PDE1C: variants seen among roughly 807,000 people sequenced by gnomAD.
The protein encoded by PDE1C is phosphodiesterase 1C.
PDE1C carries 62 observed loss-of-function variants against 93.1 expected under a neutral mutation model. That is an observed-to-expected ratio of 0.67 (90% CI 0.54 to 0.82). The LOEUF is 0.82. PDE1C is among the 40% of genes least tolerant of loss of function. The pLI is 0.00. For missense variants in PDE1C, 742 were observed against 884.6 expected (o/e 0.84, Z 2.04); for synonymous variants, 325 against 310.1 (o/e 1.05, Z -0.50).
intron 3 of PDE1C, among the ~76,000 whole-genome samples, chr7:32,131,240 A>T (rs975670095): frequency 3.9e-5 from 6 of 152,160 alleles, no homozygotes; most frequent in Non-Finnish European, 8.8e-5. Context: ...CCATTAGAGC[A>T]TTTATCATGC....
intron 2 of PDE1C, among the ~76,000 whole-genome samples, chr7:32,196,932 A>G (rs537733999): frequency 6.6e-6 from 1 of 152,326 alleles, no homozygotes; most frequent in Non-Finnish European, 1.5e-5. Flanking sequence ...ATAGGATGGC[A>G]CCAATTCAGT....
chr7:32,024,362 A>C (rs1462366419), intron 2 of PDE1C, among the ~76,000 whole-genome samples: 1 of 151,664 alleles, frequency 6.6e-6, no homozygotes, highest in East Asian at 2.0e-4. Context: ...GTGAAAATTA[A>C]AGGTATATAC....
intron 1 of PDE1C, among the ~76,000 whole-genome samples, chr7:32,284,936 G>T (rs2128894217): frequency 6.6e-6 from 1 of 151,944 alleles, no homozygotes; most frequent in East Asian, 1.9e-4. Flanking sequence ...AGGCTGAGGT[G>T]GGAGAATCAC....
chr7:32,297,194 C>T (rs1342693336), intron 1 of PDE1C, among the ~76,000 whole-genome samples: 1 of 152,104 alleles, frequency 6.6e-6, no homozygotes, highest in East Asian at 1.9e-4. Flanking sequence ...TCAGTCCATG[C>T]CCCAGAAACC....
chr7:32,318,388 T>C (rs1332721030), intron 1 of PDE1C, among the ~76,000 whole-genome samples: 4 of 152,080 alleles, frequency 2.6e-5, no homozygotes, highest in African/African-American at 4.8e-5. Flanking sequence ...ACCAGGAACC[T>C]CATTTTGGGA....
At chr7:31,705,959 C>CAGACTTCTGAA in the PDE1C span, among the ~76,000 whole-genome samples, 3 of 137,808 alleles carry the variant, frequency 2.2e-5, no homozygotes, top group East Asian at 6.5e-4. Flanking sequence ...AAATTGTGCT[C>CAGACTTCTGAA]AGACTTCTGA....
At chr7:32,051,932 T>A (rs532549251) in intron 1 of PDE1C, among the ~76,000 whole-genome samples, 2 of 152,186 alleles carry the variant, frequency 1.3e-5, no homozygotes, top group Non-Finnish European at 2.9e-5. Context: ...ACCAGGTTCA[T>A]GAGGTTCTTA....
At chr7:32,364,624 C>T (rs1217662092) in intron 1 of PDE1C, among the ~76,000 whole-genome samples, 1 of 152,194 alleles carries the variant, frequency 6.6e-6, no homozygotes, top group African/African-American at 2.4e-5. Context: ...TGGGAATTCA[C>T]GCAGCTGCAT....
chr7:32,250,241 A>G (rs1341750186), intron 1 of PDE1C, among the ~76,000 whole-genome samples: 1 of 152,136 alleles, frequency 6.6e-6, no homozygotes, highest in Non-Finnish European at 1.5e-5. Flanking sequence ...CAGTGCTACT[A>G]TCCCCATTTT....
At chr7:31,839,206 GTA>G (rs1328981854) in intron 9 of PDE1C, among the ~76,000 whole-genome samples, 5 of 140,574 alleles carry the variant, frequency 3.6e-5, no homozygotes, top group Admixed American at 2.9e-4. Context: ...ACATACATAC[GTA>G]TATGTGTGTA....
At chr7:31,961,244 G>GTATATA (rs749011944) in intron 2 of PDE1C, among the ~76,000 whole-genome samples, 6 of 130,332 alleles carry the variant, frequency 4.6e-5, no homozygotes, top group South Asian at 4.9e-4. Context: ...ATATGTATAT[G>GTATATA]TATATATATA....
chr7:32,245,560 A>C (rs1222296798), intron 1 of PDE1C, among the ~76,000 whole-genome samples: 1 of 152,108 alleles, frequency 6.6e-6, no homozygotes, highest in Non-Finnish European at 1.5e-5. Context: ...AAGACCTAAG[A>C]CAAGCCAATC....
the PDE1C span, among the ~76,000 whole-genome samples, chr7:31,680,898 A>G: frequency 2.6e-5 from 4 of 152,206 alleles, no homozygotes; most frequent in Non-Finnish European, 5.9e-5. Flanking sequence ...CATATTGCAG[A>G]TCAGATGCCC....
intron 2 of PDE1C, among the ~76,000 whole-genome samples, chr7:31,901,685 A>T (rs1563001483): frequency 6.6e-6 from 1 of 151,414 alleles, no homozygotes; most frequent in Non-Finnish European, 1.5e-5. Flanking sequence ...TCAAAAGAGA[A>T]GTAATTTTAT....
At chr7:31,692,710 A>G in the PDE1C span, among the ~76,000 whole-genome samples, 1 of 152,228 alleles carries the variant, frequency 6.6e-6, no homozygotes, top group African/African-American at 2.4e-5. Flanking sequence ...CCATGTAAAT[A>G]TTAGCTGAAG....
chr7:32,259,941 C>A lies in PDE1C; in HGVS notation c.85+38710G>T, dbSNP rs74427911. On this transcript the variant is annotated intron_variant, in intron 1 of 18. Coordinates refer to the PDE1C transcript ENST00000396193. ...CACCCGGCACAAACCTGCAGCAGGT[C>A]CTTTCTCTCACCCAGCCATGGCTTG... 5.7e-3 allele frequency among the ~76,000 whole-genome samples: 874 copies of A among 152,270 alleles called. 4 individuals carry two copies. Among genetic ancestry groups the A allele is most frequent in the African/African-American group, 0.02 (836 of 41,546 alleles).
At chr7:31,958,004 C>T (rs1287445216) in intron 2 of PDE1C, among the ~76,000 whole-genome samples, 2 of 152,146 alleles carry the variant, frequency 1.3e-5, no homozygotes, top group East Asian at 3.8e-4. Context: ...GTTGGTTTTC[C>T]ACTCGCTAGG....
the PDE1C span, among the ~76,000 whole-genome samples, chr7:31,619,983 G>A: frequency 4.6e-5 from 7 of 152,166 alleles, no homozygotes; most frequent in East Asian, 1.9e-4. Context: ...CGGGTCCTAC[G>A]CCCACGGAGT....
At chr7:31,789,516 C>T (rs2128657025) in intron 16 of PDE1C, 1 of 411,366 alleles carries the variant, frequency 2.4e-6, no homozygotes, top group Non-Finnish European at 3.3e-6. Context: ...TCCCACTCAA[C>T]AGTACAGTCA....
Sources: gnomAD v4.1 joint callset for allele counts (sites outside exome capture counted in the v4.1 genomes callset) on GRCh38, gnomAD v4.1.1 for gene constraint, MANE v1.5 for transcripts, NCBI Gene and HGNC (gene_info 2026-07-23, HGNC 2026-07-21) for gene names.